The following EIF4E2 variants were observed in gnomAD, a reference collection of about 807,000 sequenced individuals.
The protein encoded by EIF4E2 is eukaryotic translation initiation factor 4E family member 2, also known as eukaryotic translation initiation factor 4E type 2.
Under a neutral mutation model 34.2 loss-of-function variants are expected in EIF4E2, and 13 were observed. The ratio of observed to expected loss-of-function variants is 0.38; its 90% CI spans 0.25 to 0.60. The LOEUF is 0.60. EIF4E2 is among the 20% of genes least tolerant of loss of function. The probability of loss-of-function intolerance (pLI) is 0.62; values close to 1 mark genes in which losing one functional copy is unlikely to be tolerated. For missense variants in EIF4E2, 222 were observed against 315.1 expected (o/e 0.70, Z 2.24); for synonymous variants, 100 against 106.6 (o/e 0.94, Z 0.38).
chr2:232,577,994 G>A (rs2106257418), intron 6 of EIF4E2, among the ~76,000 whole-genome samples: 1 of 152,294 alleles, frequency 6.6e-6, no homozygotes, highest in Non-Finnish European at 1.5e-5. Context: ...TGAGCCTAGG[G>A]TGAGGGATGT....
chr2:232,560,387 T>G (rs1452757535), intron 3 of EIF4E2, among the ~76,000 whole-genome samples: 1 of 152,224 alleles, frequency 6.6e-6, no homozygotes, highest in African/African-American at 2.4e-5. Flanking sequence ...GAGCTAAAAT[T>G]ATAAAATTCT....
rs547766777 is a variant in EIF4E2, at chr2:232,566,466, G to A, written c.376-363G>A. ...CAGCCTTCCAAAGTGTTGGGATTAC[G>A]GGCGTGAGCCACTGCGCCCAGCAGA... On this transcript the variant is annotated intron_variant, in intron 4 of 6. Transcript: ENST00000258416. This position sits in a 1 kb window ranked among gnomAD's most constrained non-coding sequence, Gnocchi z 4.9. 4.6e-5 allele frequency among the ~76,000 whole-genome samples: 7 copies of A among 152,316 alleles called. No individual in the cohort carries two copies. The highest frequency in any genetic ancestry group is 2.1e-4 in the South Asian group (1 of 4,834).
downstream of EIF4E2, chr2:232,573,770 CAG>C (rs1360113028): frequency 1.8e-5 from 5 of 284,086 alleles, no homozygotes; most frequent in South Asian, 6.8e-5. Context: ...AATATGAAAA[CAG>C]AGAAAGTGTA....
At chr2:232,552,984 G>C (rs1438355219) in intron 1 of EIF4E2, among the ~76,000 whole-genome samples, 1 of 152,128 alleles carries the variant, frequency 6.6e-6, no homozygotes, top group Non-Finnish European at 1.5e-5. Flanking sequence ...TTACCACATT[G>C]CTCTTAAGGA....
At position 232,581,505 on chromosome 2, in the gene EIF4E2, G is replaced by C. The variant is rs1693359770; in HGVS notation, c.*562G>C. The C allele has an allele frequency of 4.2e-6, 1 of 240,424 alleles. No individual in the cohort carries two copies. The highest frequency in any genetic ancestry group is 8.2e-6 in the Non-Finnish European group (1 of 122,032). 14.9% of individuals were successfully genotyped at this position (240,424 alleles called of 1,614,324 possible). A position where few individuals can be genotyped will look rare whatever the true frequency, so the allele number is the denominator to read the frequency against. On this transcript the variant is annotated 3_prime_UTR_variant, in exon 7 of 7. Coordinates refer to the EIF4E2 transcript ENST00000409098. This position sits in a 1 kb window ranked among gnomAD's most constrained non-coding sequence, Gnocchi z 5.2. ...TGATGTGATGACTGTCCAGGATTTTGTATCATCCCCTGCCTTATGCCCTCC... is the reference window on the plus strand; with the variant it reads ...TGATGTGATGACTGTCCAGGATTTTCTATCATCCCCTGCCTTATGCCCTCC...
At chr2:232,550,821 G>A (rs1055556537) in intron 1 of EIF4E2, 77 bp downstream of exon 1, 2 of 1,377,030 alleles carry the variant, frequency 1.5e-6, no homozygotes, top group East Asian at 2.7e-5. Flanking sequence ...GGGCTGGGGC[G>A]GCGCAAACCC....
In EIF4E2 at chr2:232,566,562, A is replaced by G. The variant is rs1475504942; in HGVS notation, c.376-267A>G. On this transcript the variant is annotated intron_variant, in intron 4 of 6. Coordinates refer to ENST00000258416, the MANE Select transcript of EIF4E2 (RefSeq NM_004846.4). The surrounding 1 kb of genome is among the most constrained non-coding windows in gnomAD (Gnocchi z 4.9). ...ATGACATCATTTCGTTTTGATTCCTAAAGTATTTCCAGTAAAGGGGATTAT... is the reference window on the plus strand; with the variant it reads ...ATGACATCATTTCGTTTTGATTCCTGAAGTATTTCCAGTAAAGGGGATTAT... 2.0e-5 allele frequency among the ~76,000 whole-genome samples: 3 copies of G among 152,208 alleles called. No homozygotes were observed. The highest frequency in any genetic ancestry group is 6.5e-5 in the Admixed American group (1 of 15,280).
At position 232,565,505 on chromosome 2, in the gene EIF4E2, G is replaced by A. The variant is rs73101836; in HGVS notation, c.375+1154G>A. Among the ~76,000 whole-genome samples, 1,275 of 152,030 alleles carry A rather than the reference G, an allele frequency of 8.4e-3. 18 individuals are homozygous for A. Among genetic ancestry groups the A allele is most frequent in the African/African-American group, 0.029 (1,211 of 41,450 alleles). Reference sequence around the variant, plus strand: ...AAAAATTAGCCAGGTGTGGTGGCACGCGCCTGTAATCCCAGCTACTCGGGA... The same window carrying A: ...AAAAATTAGCCAGGTGTGGTGGCACACGCCTGTAATCCCAGCTACTCGGGA... On this transcript the variant is annotated intron_variant, in intron 4 of 6. Coordinates refer to ENST00000258416, the MANE Select transcript of EIF4E2 (RefSeq NM_004846.4).
chr2:232,581,252 G>T lies in EIF4E2; in HGVS notation c.*309G>T, dbSNP rs1178397627. 36 of 478,098 alleles carry T rather than the reference G, an allele frequency of 7.5e-5. No individual in the cohort carries two copies. Among genetic ancestry groups the T allele is most frequent in the Non-Finnish European group, 1.2e-4 (31 of 254,900 alleles). 29.6% of individuals were successfully genotyped at this position (478,098 alleles called of 1,614,324 possible). A position where few individuals can be genotyped will look rare whatever the true frequency, so the allele number is the denominator to read the frequency against. ...CCAGATGCCTCTTGGGCGTCCTGTT[G>T]TTCTCTTCCCGTGTTGTACGAAGGG... On this transcript the variant is annotated 3_prime_UTR_variant, in exon 7 of 7. Coordinates refer to the EIF4E2 transcript ENST00000409098. This position sits in a 1 kb window ranked among gnomAD's most constrained non-coding sequence, Gnocchi z 5.2.
chr2:232,578,708 C>T (rs1335967372), intron 6 of EIF4E2, among the ~76,000 whole-genome samples: 1 of 152,086 alleles, frequency 6.6e-6, no homozygotes, highest in Admixed American at 6.6e-5. Context: ...TCTGGCCCAC[C>T]TAGTACAATA....
At chr2:232,568,138 T>TA (rs1693000281) in intron 6 of EIF4E2, 2 of 985,280 alleles carry the variant, frequency 2.0e-6, no homozygotes, top group African/African-American at 3.5e-5. Context: ...GGCCAAGTAG[T>TA]AGTATTGCTA....
intron 6 of EIF4E2, among the ~76,000 whole-genome samples, chr2:232,576,735 T>C (rs1015363500): frequency 1.3e-5 from 2 of 152,262 alleles, no homozygotes; most frequent in Non-Finnish European, 2.9e-5. Flanking sequence ...TTAACCTCGC[T>C]GTAAGTGAAA....
chr2:232,573,473 A>G (rs925518820), downstream of EIF4E2, among the ~76,000 whole-genome samples: 4 of 152,164 alleles, frequency 2.6e-5, no homozygotes, highest in African/African-American at 9.7e-5. Flanking sequence ...TTGAGCCTCC[A>G]GAAGCATAGG....
At chr2:232,555,803 C>T (rs1165337401) in intron 1 of EIF4E2, among the ~76,000 whole-genome samples, 1 of 152,164 alleles carries the variant, frequency 6.6e-6, no homozygotes, top group Non-Finnish European at 1.5e-5. Flanking sequence ...TTTTGCTGTA[C>T]TTTATCTTAG....
intron 6 of EIF4E2, chr2:232,567,489 C>T: frequency 1.6e-6 from 2 of 1,273,934 alleles, no homozygotes; most frequent in Non-Finnish European, 2.0e-6. Context: ...GCTGTCTTGT[C>T]TTTCATATGC....
At chr2:232,571,680 G>A (rs982010528), downstream of EIF4E2, among the ~76,000 whole-genome samples, 1 of 152,200 alleles carries the variant, frequency 6.6e-6, no homozygotes, top group African/African-American at 2.4e-5. Flanking sequence ...AGGTCAAATT[G>A]TGGAGGCTTT....
intron 3 of EIF4E2, among the ~76,000 whole-genome samples, chr2:232,562,788 A>G (rs947083565): frequency 1.6e-4 from 25 of 152,176 alleles, no homozygotes; most frequent in African/African-American, 5.3e-4. Flanking sequence ...TTATTCAACT[A>G]TGTTAGGGTG....
chr2:232,567,706 A>G (rs1692984356), intron 6 of EIF4E2: 5 of 997,134 alleles, frequency 5.0e-6, no homozygotes, highest in Non-Finnish European at 4.8e-6. Flanking sequence ...AAGAAGGGGG[A>G]TAGTGTGTGT....
At chr2:232,577,149 T>C (rs1180455196) in intron 6 of EIF4E2, among the ~76,000 whole-genome samples, 1 of 152,228 alleles carries the variant, frequency 6.6e-6, no homozygotes, top group African/African-American at 2.4e-5. Context: ...TAAAATAAAG[T>C]TGAAGACGAG....
Sources: allele counts gnomAD v4.1 joint callset (sites outside exome capture counted in the v4.1 genomes callset), GRCh38; gene constraint gnomAD v4.1.1; non-coding constraint Gnocchi (gnomAD v3.1); transcripts MANE v1.5; gene names NCBI Gene and HGNC (gene_info 2026-07-23, HGNC 2026-07-21).